The following CADM2 variants were observed in gnomAD, a reference collection of about 807,000 sequenced individuals.
CADM2 encodes cell adhesion molecule 2.
A neutral mutation model predicts 49.8 loss-of-function variants in CADM2; 12 were observed. The ratio of observed to expected loss-of-function variants is 0.24; its 90% CI spans 0.15 to 0.39. The LOEUF (loss-of-function observed/expected upper bound fraction) is 0.39. Among genes scored for constraint, CADM2 ranks in the 10% least tolerant of loss-of-function variants. The pLI is 1.00. For missense variants in CADM2, 378 were observed against 492.3 expected, an observed-to-expected ratio of 0.77 and a Z score of 2.20; for synonymous variants, 214 against 175.4, an observed-to-expected ratio of 1.22 and a Z score of -1.74.
intron 7 of CADM2, among the ~76,000 whole-genome samples, chr3:85,945,391 C>T (rs1217685932): frequency 1.3e-5 from 2 of 152,030 alleles, no homozygotes; most frequent in African/African-American, 4.8e-5. Flanking sequence ...CTATTCCAAT[C>T]AATAGAAAAA....
intron 2 of CADM2, among the ~76,000 whole-genome samples, chr3:85,794,281 G>T (rs1454436943): frequency 6.6e-6 from 1 of 152,064 alleles, no homozygotes; most frequent in Non-Finnish European, 1.5e-5. Context: ...AAGTTACCTT[G>T]GTCATTCTAC....
chr3:85,465,008 G>A (rs1484824146), intron 1 of CADM2, among the ~76,000 whole-genome samples: 3 of 152,110 alleles, frequency 2.0e-5, no homozygotes, highest in Non-Finnish European at 4.4e-5. Flanking sequence ...AATTAGCCGG[G>A]CGTGGTGGCA....
chr3:85,696,225 C>T (rs1352577129), intron 1 of CADM2, among the ~76,000 whole-genome samples: 2 of 152,008 alleles, frequency 1.3e-5, no homozygotes, highest in African/African-American at 2.4e-5. Context: ...TATCTGTTTA[C>T]TCTGTTGATT....
intron 6 of CADM2, among the ~76,000 whole-genome samples, chr3:85,928,163 T>G (rs1577686570): frequency 6.6e-6 from 1 of 150,444 alleles, no homozygotes; most frequent in Non-Finnish European, 1.5e-5. Context: ...GAAGAATTTT[T>G]TTTTTTTTTT....
intron 3 of CADM2, among the ~76,000 whole-genome samples, chr3:85,845,803 A>G (rs2074854720): frequency 6.6e-6 from 1 of 152,216 alleles, no homozygotes; most frequent in Admixed American, 6.5e-5. Flanking sequence ...ACAAATCTTA[A>G]GAAACTCTAT....
intron 1 of CADM2, among the ~76,000 whole-genome samples, chr3:85,296,897 T>C (rs1219251834): frequency 6.6e-6 from 1 of 152,076 alleles, no homozygotes; most frequent in Non-Finnish European, 1.5e-5. Context: ...CCCATATTTC[T>C]AGTTTCTCAG....
chr3:85,922,996 T>C (rs1045163599), intron 6 of CADM2, among the ~76,000 whole-genome samples: 1 of 151,954 alleles, frequency 6.6e-6, no homozygotes, highest in Non-Finnish European at 1.5e-5. Context: ...TAATTTTTTG[T>C]ATTTTTTTAG....
chr3:85,332,932 T>C (rs552960789), intron 1 of CADM2, among the ~76,000 whole-genome samples: 5 of 152,042 alleles, frequency 3.3e-5, no homozygotes, highest in Middle Eastern at 6.8e-3. Context: ...TAATAGATTA[T>C]TCTCATGGTC....
In CADM2 at chr3:85,161,578, T is replaced by TA. The variant is rs915524084; in HGVS notation, c.61+201919dup. On this transcript the variant is annotated intron_variant, in intron 1 of 9. Transcript: ENST00000383699. Reference sequence around the variant, plus strand: ...TGTCAACAATTTGGAATTTAATGTATAAAAAAAAATGAATGAGTGCAGGAA... The same window carrying TA: ...TGTCAACAATTTGGAATTTAATGTATAAAAAAAAAATGAATGAGTGCAGGAA... 1.9e-4 allele frequency among the ~76,000 whole-genome samples: 28 copies of TA among 151,010 alleles called. 1 individual carries two copies. Among genetic ancestry groups the TA allele is most frequent in the South Asian group, 6.3e-4 (3 of 4,778 alleles).
intron 1 of CADM2, among the ~76,000 whole-genome samples, chr3:85,393,513 T>C (rs2034619659): frequency 6.6e-6 from 1 of 152,186 alleles, no homozygotes; most frequent in Non-Finnish European, 1.5e-5. Context: ...TTCTGAGACA[T>C]AAATTATCTT....
At chr3:86,062,636 C>G (rs558445957) in intron 8 of CADM2, among the ~76,000 whole-genome samples, 1 of 147,286 alleles carries the variant, frequency 6.8e-6, no homozygotes, top group Non-Finnish European at 1.5e-5. Flanking sequence ...AAAAATTAGC[C>G]GAGGCTAATT....
At chr3:85,896,840 T>C (rs995857975) in intron 5 of CADM2, among the ~76,000 whole-genome samples, 1 of 152,204 alleles carries the variant, frequency 6.6e-6, no homozygotes, top group African/African-American at 2.4e-5. Context: ...TTCTGAATGC[T>C]GTGCTTCTCA....
chr3:85,467,111 GAT>G (rs2038530746), intron 1 of CADM2, among the ~76,000 whole-genome samples: 1 of 152,048 alleles, frequency 6.6e-6, no homozygotes, highest in Non-Finnish European at 1.5e-5. Flanking sequence ...GACTACAAGA[GAT>G]ATAGTTTTAT....
Position 86,014,119 on chromosome 3 carries a change from C to T in CADM2, c.971-51486C>T. On this transcript the variant is annotated intron_variant, in intron 8 of 9. Coordinates refer to ENST00000383699, the MANE Select transcript of CADM2 (RefSeq NM_001167675.2). ...AAGGAAATCTGCCATTTTCAGTGGA[C>T]ACGCAGGCATGATGCTTTTGAAATT... is the stretch of plus-strand genomic sequence containing the variant. 3.1e-6 allele frequency: 4 copies of T among 1,285,852 alleles called. No individual in the cohort carries two copies. The South Asian group carries it at 4.7e-5, about 15-fold the overall frequency. The allele number at this position is 1,285,852 out of a possible 1,614,324, so 79.7% of individuals were successfully genotyped here. A position where few individuals can be genotyped will look rare whatever the true frequency, so the allele number is the denominator to read the frequency against.
At chr3:85,048,880 A>T (rs1195000702) in intron 1 of CADM2, among the ~76,000 whole-genome samples, 2 of 152,170 alleles carry the variant, frequency 1.3e-5, no homozygotes, top group Non-Finnish European at 2.9e-5. Context: ...TGATAGCTGA[A>T]TCTTGGGCAT....
chr3:85,360,320 G>A (rs11917490), intron 1 of CADM2, among the ~76,000 whole-genome samples: 84,517 of 151,886 alleles, frequency 0.56, 28,150 homozygotes, highest in East Asian at 0.81. Flanking sequence ...AGTTTTTAAA[G>A]TATATGTTCT....
chr3:86,056,087 T>C (rs1737954816), intron 8 of CADM2, among the ~76,000 whole-genome samples: 1 of 152,186 alleles, frequency 6.6e-6, no homozygotes, highest in Non-Finnish European at 1.5e-5. Flanking sequence ...AGATAGCCTT[T>C]AAAAACATCC....
chr3:85,547,675 C>T (rs1366503966), intron 1 of CADM2, among the ~76,000 whole-genome samples: 2 of 152,168 alleles, frequency 1.3e-5, no homozygotes, highest in Admixed American at 1.3e-4. Context: ...CATGTAGAAA[C>T]AACCAACCCT....
chr3:85,756,218 G>A (rs2069114403), intron 2 of CADM2, among the ~76,000 whole-genome samples: 1 of 151,996 alleles, frequency 6.6e-6, no homozygotes, highest in South Asian at 2.1e-4. Context: ...TATATGTCTG[G>A]AAAGTTCAGG....
Sources: allele counts gnomAD v4.1 joint callset (sites outside exome capture counted in the v4.1 genomes callset), GRCh38; gene constraint gnomAD v4.1.1; transcripts MANE v1.5; gene names NCBI Gene and HGNC (gene_info 2026-07-23, HGNC 2026-07-21).